Variants in SYT2 observed in about 807,000 individuals in gnomAD.
The protein encoded by SYT2 is synaptotagmin-2.
SYT2 carries 15 observed loss-of-function variants against 39.9 expected under a neutral mutation model. The ratio of observed to expected loss-of-function variants is 0.38; its 90% confidence interval spans 0.25 to 0.58. The LOEUF is 0.58. Among genes scored for constraint, SYT2 ranks in the 20% least tolerant of loss-of-function variants. The pLI, the probability that SYT2 is intolerant of heterozygous loss-of-function variation, is 0.70. For synonymous variants in SYT2, 181 were observed against 204.5 expected, an observed-to-expected ratio of 0.89 and a Z score of 0.98; for missense variants, 389 against 530.3, an observed-to-expected ratio of 0.73 and a Z score of 2.62.
intron 1 of SYT2, among the ~76,000 whole-genome samples, chr1:202,662,810 G>T (rs570490881): frequency 6.6e-6 from 1 of 152,296 alleles, no homozygotes; most frequent in African/African-American, 2.4e-5. Context: ...GTAAAAGAGG[G>T]TTACTAATAT....
In SYT2 at chr1:202,623,750, C is replaced by T. The variant is rs959291041; in HGVS notation, c.-17-17961G>A. Among the ~76,000 whole-genome samples, 2 of 152,148 alleles carry T rather than the reference C, an allele frequency of 1.3e-5. No homozygotes were observed. Among genetic ancestry groups the T allele is most frequent in the African/African-American group, 4.8e-5 (2 of 41,420 alleles). On this transcript the variant is annotated intron_variant, in intron 1 of 8. Transcript: ENST00000367268. The surrounding 1 kb of genome is among the most constrained non-coding windows in gnomAD (Gnocchi z 4.2). Reference sequence around the variant, plus strand: ...TAGGACTGTGGGGGTCTGCCCTGGTCGTGCTCCCAAGAGAGGCACTGCTTT... The same window carrying T: ...TAGGACTGTGGGGGTCTGCCCTGGTTGTGCTCCCAAGAGAGGCACTGCTTT...
intron 1 of SYT2, among the ~76,000 whole-genome samples, chr1:202,664,763 G>A (rs760717924): frequency 6.6e-5 from 10 of 152,290 alleles, no homozygotes; most frequent in Non-Finnish European, 1.2e-4. Context: ...GAGTTCAAGC[G>A]ATTCTCCTGC....
At position 202,650,582 on chromosome 1, in the gene SYT2, C is replaced by T. The variant is rs558431054; in HGVS notation, c.-17-44793G>A. Among the ~76,000 whole-genome samples, 11 of 152,178 alleles carry T rather than the reference C, an allele frequency of 7.2e-5. No individual in the cohort carries two copies. In the South Asian group the frequency reaches 2.3e-3, roughly 32 times the overall value. Reference sequence around the variant, plus strand: ...TCCTGAGTAGCTGGGATTTCAGGCACACACCACCACACCTGGCTATGATAT... The same window carrying T: ...TCCTGAGTAGCTGGGATTTCAGGCATACACCACCACACCTGGCTATGATAT... On this transcript the variant is annotated intron_variant, in intron 1 of 8. Coordinates refer to ENST00000367268, the MANE Select transcript of SYT2 (RefSeq NM_177402.5).
intron 1 of SYT2, chr1:202,630,282 CT>C (rs1289324802): frequency 2.8e-6 from 2 of 714,742 alleles, no homozygotes; most frequent in African/African-American, 3.9e-5. Flanking sequence ...GGGCTGACCC[CT>C]GGCTCCCACA....
chr1:202,696,271 A>G (rs927432871), intron 1 of SYT2, among the ~76,000 whole-genome samples: 2 of 152,050 alleles, frequency 1.3e-5, no homozygotes, highest in Non-Finnish European at 1.5e-5. Flanking sequence ...GTGGTGTAAC[A>G]TATGTACCAG....
chr1:202,657,203 CT>C (rs1391933299), intron 1 of SYT2, among the ~76,000 whole-genome samples: 13 of 152,212 alleles, frequency 8.5e-5, no homozygotes, highest in Non-Finnish European at 1.6e-4. Flanking sequence ...ACACAGAAGC[CT>C]TTTCATCAGG....
At chr1:202,672,710 T>C (rs1367035808) in intron 1 of SYT2, among the ~76,000 whole-genome samples, 3 of 43,198 alleles carry the variant, frequency 6.9e-5, no homozygotes, top group Non-Finnish European at 1.3e-4. Context: ...GAATAAAGGG[T>C]AAAAGAGGAT....
At chr1:202,630,993 G>A (rs965020252) in intron 1 of SYT2, among the ~76,000 whole-genome samples, 4 of 152,146 alleles carry the variant, frequency 2.6e-5, no homozygotes, top group Non-Finnish European at 5.9e-5. Context: ...CCACACACAC[G>A]GCATTCGGCA....
chr1:202,604,818 C>CTTTT (rs59944538), intron 2 of SYT2, among the ~76,000 whole-genome samples, 197 bp from the exon 3 acceptor site: 112 of 71,674 alleles, frequency 1.6e-3, no homozygotes, highest in African/African-American at 5.3e-3. Flanking sequence ...TCATGCCTTG[C>CTTTT]TTTTTTTTTT....
chr1:202,630,606 C>T (rs1002878167), intron 1 of SYT2, among the ~76,000 whole-genome samples: 5 of 152,224 alleles, frequency 3.3e-5, no homozygotes, highest in Admixed American at 1.3e-4. Context: ...CAGCCACCAC[C>T]CTGGAAAGTG....
chr1:202,688,723 A>T (rs1396431403), intron 1 of SYT2, among the ~76,000 whole-genome samples: 1 of 152,240 alleles, frequency 6.6e-6, no homozygotes, highest in Non-Finnish European at 1.5e-5. Flanking sequence ...GAGCAGGAAG[A>T]ACTTCCTGAT....
intron 1 of SYT2, among the ~76,000 whole-genome samples, chr1:202,690,483 T>C (rs1653792986): frequency 6.6e-6 from 1 of 152,148 alleles, no homozygotes; most frequent in Non-Finnish European, 1.5e-5. Context: ...AGGTTACAGA[T>C]ACATGGATTC....
chr1:202,683,920 C>T (rs1238289608), intron 1 of SYT2, among the ~76,000 whole-genome samples: 2 of 152,016 alleles, frequency 1.3e-5, no homozygotes, highest in Admixed American at 6.6e-5. Flanking sequence ...GAAGGTTACC[C>T]AGGTGTGCTC....
chr1:202,639,128 A>G (rs943314200), intron 1 of SYT2, among the ~76,000 whole-genome samples: 1 of 152,030 alleles, frequency 6.6e-6, no homozygotes, highest in Non-Finnish European at 1.5e-5. Flanking sequence ...TAACTGAGAG[A>G]GCTCAGGCCT....
At chr1:202,675,083 G>A (rs1416155501) in intron 1 of SYT2, among the ~76,000 whole-genome samples, 2 of 152,208 alleles carry the variant, frequency 1.3e-5, no homozygotes, top group Non-Finnish European at 2.9e-5. Flanking sequence ...AGTGCTGGGT[G>A]CACAGGAGGG....
At chr1:202,691,316 G>A (rs1358411562) in intron 1 of SYT2, among the ~76,000 whole-genome samples, 1 of 152,128 alleles carries the variant, frequency 6.6e-6, no homozygotes, top group Non-Finnish European at 1.5e-5. Flanking sequence ...AGAAAACAAG[G>A]AGGGCTTGAA....
chr1:202,643,545 AGC>A (rs1277395746), intron 1 of SYT2: 3 of 151,990 alleles, frequency 2.0e-5, no homozygotes, highest in Non-Finnish European at 4.4e-5. Context: ...GCCTGCACAC[AGC>A]GCGTGCGGCC....
At chr1:202,705,989 G>A (rs1281799043) in intron 1 of SYT2, among the ~76,000 whole-genome samples, 2 of 152,068 alleles carry the variant, frequency 1.3e-5, no homozygotes, top group Non-Finnish European at 2.9e-5. Context: ...CACTGCACCT[G>A]GCCTGGGGAG....
rs1690266622 is a variant in SYT2, at chr1:202,595,880, G to C, written c.*877C>G. Reference sequence around the variant, plus strand: ...TAAGAGTGAGATTTTGGGACTGAGAGTCCCTGTTAGTCTGACCCAACTAGT... The same window carrying C: ...TAAGAGTGAGATTTTGGGACTGAGACTCCCTGTTAGTCTGACCCAACTAGT... On this transcript the variant is annotated 3_prime_UTR_variant, in exon 9 of 9. Coordinates refer to ENST00000367268, the MANE Select transcript of SYT2 (RefSeq NM_177402.5). 1 of 152,170 alleles carries C rather than the reference G, an allele frequency of 6.6e-6. No individual in the cohort carries two copies. Among genetic ancestry groups the C allele is most frequent in the Admixed American group, 6.5e-5 (1 of 15,280 alleles). The allele number at this position is 152,170 out of a possible 1,614,324, so 9.4% of individuals were successfully genotyped here.
Sources: allele counts gnomAD v4.1 joint callset (sites outside exome capture counted in the v4.1 genomes callset), GRCh38; gene constraint gnomAD v4.1.1; non-coding constraint Gnocchi (gnomAD v3.1); transcripts MANE v1.5; gene names NCBI Gene and HGNC (gene_info 2026-07-23, HGNC 2026-07-21).